PCDH7: variants seen among roughly 807,000 people sequenced by gnomAD.
PCDH7 encodes protocadherin 7, also known as protocadherin-7.
In PCDH7, 17 loss-of-function variants were observed where a neutral mutation model predicts 58.9. That is an observed-to-expected ratio of 0.29 (90% CI 0.20 to 0.43). The LOEUF is 0.43. PCDH7 is among the 20% of genes least tolerant of loss of function. PCDH7 has a pLI of 1.00. For synonymous variants in PCDH7, 664 were observed against 616.4 expected (o/e 1.08, Z -1.14); for missense variants, 1,274 against 1,441.0 (o/e 0.88, Z 1.88).
At position 30,828,835 on chromosome 4, in the gene PCDH7, T is replaced by G. The variant is rs539510123; in HGVS notation, c.71-91318T>G. On this transcript the variant is annotated intron_variant, in intron 1 of 3. Transcript: ENST00000509759. Reference sequence around the variant, plus strand: ...TTTGCCTTTACCTTGGCCCTGAGGTTTTTTTTTTGTTGTTGTTGTTAAACC... The same window carrying G: ...TTTGCCTTTACCTTGGCCCTGAGGTGTTTTTTTTGTTGTTGTTGTTAAACC... Among the ~76,000 whole-genome samples the G allele has an allele frequency of 7.0e-3, 1,053 of 151,188 alleles. 4 individuals are homozygous for G. Among genetic ancestry groups the G allele is most frequent in the Non-Finnish European group, 0.013 (848 of 67,630 alleles).
chr4:30,730,438 A>G (rs1484606626), intron 1 of PCDH7, among the ~76,000 whole-genome samples: 1 of 152,174 alleles, frequency 6.6e-6, no homozygotes, highest in East Asian at 1.9e-4. Context: ...ACTAATCTTA[A>G]TTATCACTTC....
chr4:30,850,504 T>C (rs1266868686), intron 1 of PCDH7, among the ~76,000 whole-genome samples: 2 of 152,124 alleles, frequency 1.3e-5, no homozygotes, highest in Non-Finnish European at 2.9e-5. Context: ...CCTGAATCCA[T>C]TTAAAGTCTA....
intron 2 of PCDH7, among the ~76,000 whole-genome samples, chr4:30,924,699 G>A (rs770094343): frequency 6.6e-6 from 1 of 151,928 alleles, no homozygotes; most frequent in Non-Finnish European, 1.5e-5. Flanking sequence ...CTGTAGATCT[G>A]ATCAAGCCCT....
At chr4:30,985,279 A>C (rs1378230023) in intron 3 of PCDH7, among the ~76,000 whole-genome samples, 1 of 152,120 alleles carries the variant, frequency 6.6e-6, no homozygotes. Flanking sequence ...CATGCTTAGA[A>C]ACTTCATTTG....
intron 1 of PCDH7, among the ~76,000 whole-genome samples, chr4:30,838,848 T>G (rs1429896311): frequency 6.6e-6 from 1 of 152,098 alleles, no homozygotes; most frequent in African/African-American, 2.4e-5. Context: ...GGGGCCAACG[T>G]TTCTTAGAAA....
chr4:30,983,614 A>G (rs1310209657), intron 3 of PCDH7, among the ~76,000 whole-genome samples: 1 of 152,216 alleles, frequency 6.6e-6, no homozygotes, highest in Admixed American at 6.5e-5. Context: ...TGGAGGGATT[A>G]CTTAACCCCT....
Position 30,817,224 on chromosome 4 carries a change from T to G in PCDH7, c.70+92628T>G, listed in dbSNP as rs552471890. Among the ~76,000 whole-genome samples, 170 of 152,320 alleles carry G rather than the reference T, an allele frequency of 1.1e-3. 2 individuals carry two copies. Among genetic ancestry groups the G allele is most frequent in the African/African-American group, 3.9e-3 (163 of 41,586 alleles). On this transcript the variant is annotated intron_variant, in intron 1 of 3. Coordinates refer to the PCDH7 transcript ENST00000509759. ...TGGGACCTTAAGCAGGTCATCTCAC[T>G]TTTTGTAGCTTAGATTTTTCTTTTC...
chr4:31,081,932 C>T (rs898450296), intron 3 of PCDH7, among the ~76,000 whole-genome samples: 6 of 152,070 alleles, frequency 3.9e-5, no homozygotes, highest in African/African-American at 1.4e-4. Context: ...GCCACCAAGG[C>T]CAGCTAATTT....
chr4:30,889,015 T>C (rs73214927), intron 1 of PCDH7, among the ~76,000 whole-genome samples: 25,893 of 151,180 alleles, frequency 0.17, 2,291 homozygotes, highest in African/African-American at 0.21. Context: ...ACCTCATCCC[T>C]ACAACAAATT....
intron 2 of PCDH7, chr4:30,925,807 G>A (rs1743797610): frequency 6.6e-6 from 1 of 152,300 alleles, no homozygotes; most frequent in Non-Finnish European, 1.5e-5. Flanking sequence ...TAATTAAAAT[G>A]TGTGCTATAG....
At chr4:31,145,136 CTT>C (rs1200915295), downstream of PCDH7, 1 of 151,722 alleles carries the variant, frequency 6.6e-6, no homozygotes, top group Non-Finnish European at 1.5e-5. Context: ...AAACCCTTCT[CTT>C]GTCTATAAAA....
intron 1 of PCDH7, among the ~76,000 whole-genome samples, chr4:30,836,112 G>T (rs1414895846): frequency 6.6e-6 from 1 of 152,188 alleles, no homozygotes; most frequent in Non-Finnish European, 1.5e-5. Flanking sequence ...ATATTTGGTT[G>T]ACTTGGATAG....
chr4:30,951,613 A>G (rs552734072), intron 3 of PCDH7, among the ~76,000 whole-genome samples: 27 of 152,210 alleles, frequency 1.8e-4, no homozygotes, highest in Non-Finnish European at 3.1e-4. Context: ...TACAAAAAAT[A>G]ATAACAGCAA....
intron 1 of PCDH7, among the ~76,000 whole-genome samples, chr4:30,772,938 G>C (rs1392234047): frequency 6.6e-6 from 1 of 151,838 alleles, no homozygotes; most frequent in Non-Finnish European, 1.5e-5. Context: ...GTCTCATTCT[G>C]TCACCCAGGC....
intron 2 of PCDH7, among the ~76,000 whole-genome samples, chr4:30,928,406 G>A (rs909574174): frequency 2.0e-5 from 3 of 152,100 alleles, no homozygotes; most frequent in Non-Finnish European, 2.9e-5. Context: ...CTTGTTTCAT[G>A]GGGCAATTAT....
At chr4:31,072,580 T>C (rs1268973449) in intron 3 of PCDH7, among the ~76,000 whole-genome samples, 3 of 152,118 alleles carry the variant, frequency 2.0e-5, no homozygotes, top group Non-Finnish European at 4.4e-5. Flanking sequence ...TAAGATCATG[T>C]AGAGTTGCTG....
chr4:31,120,388 A>AT (rs137987021), intron 3 of PCDH7, among the ~76,000 whole-genome samples: 1,030 of 75,704 alleles, frequency 0.014, 19 homozygotes, highest in African/African-American at 0.039. Flanking sequence ...AGCTTCCTCC[A>AT]TTTTTTTTTT....
chr4:30,786,063 A>G (rs1243382137), intron 1 of PCDH7, among the ~76,000 whole-genome samples: 4 of 152,076 alleles, frequency 2.6e-5, no homozygotes, highest in African/African-American at 9.7e-5. Flanking sequence ...AGGAGTTTTT[A>G]TCATAACTTT....
intron 3 of PCDH7, among the ~76,000 whole-genome samples, chr4:31,133,921 C>A (rs1719278260): frequency 1.3e-5 from 2 of 152,178 alleles, no homozygotes; most frequent in Non-Finnish European, 2.9e-5. Flanking sequence ...AGAAAAGTTG[C>A]TGATGCTTTC....
Sources: gnomAD v4.1 joint callset for allele counts (sites outside exome capture counted in the v4.1 genomes callset) on GRCh38, gnomAD v4.1.1 for gene constraint, MANE v1.5 for transcripts, NCBI Gene and HGNC (gene_info 2026-07-23, HGNC 2026-07-21) for gene names.